Variants in MMS22L observed in about 807,000 individuals in gnomAD.
MMS22L encodes MMS22 like, DNA repair protein.
MMS22L carries 74 observed loss-of-function variants against 159.1 expected under a neutral mutation model. That is an observed-to-expected ratio of 0.47 (90% CI 0.39 to 0.56). The LOEUF (loss-of-function observed/expected upper bound fraction) is 0.56. Ranked by LOEUF, MMS22L falls within the 20% of genes least tolerant of loss-of-function variation. MMS22L has a pLI of 0.00. For synonymous variants in MMS22L, 517 were observed against 506.9 expected, an observed-to-expected ratio of 1.02 and a Z score of -0.27; for missense variants, 1,351 against 1,422.1, an observed-to-expected ratio of 0.95 and a Z score of 0.80.
intron 3 of MMS22L, among the ~76,000 whole-genome samples, chr6:97,281,027 C>T (rs1209645860): frequency 6.6e-6 from 1 of 152,046 alleles, no homozygotes; most frequent in Non-Finnish European, 1.5e-5. Flanking sequence ...GTGTCAAATG[C>T]AAAGAATAAA....
At chr6:97,217,603 T>C (rs924212773) in intron 14 of MMS22L, among the ~76,000 whole-genome samples, 15 of 152,132 alleles carry the variant, frequency 9.9e-5, no homozygotes, top group African/African-American at 3.1e-4. Context: ...GTTAATTATA[T>C]AATTATTAGG....
intron 14 of MMS22L, among the ~76,000 whole-genome samples, chr6:97,187,771 A>G (rs1805406413): frequency 1.3e-5 from 2 of 152,226 alleles, no homozygotes; most frequent in African/African-American, 4.8e-5. Context: ...TAGCATGTGT[A>G]TCTAAAGCAA....
In MMS22L at chr6:97,165,284, T is replaced by C. The variant is rs1484797677; in HGVS notation, c.3183A>G (p.Pro1061=). The C allele has an allele frequency of 6.2e-7, 1 of 1,613,302 alleles. No homozygotes were observed. Among genetic ancestry groups the C allele is most frequent in the East Asian group, 2.2e-5 (1 of 44,838 alleles). ...LALRNTATIP[P]ISSLKKCIVQ... ...CAATGCATTTCTTTAGAGATGATAT[T>C]GGTGGAATAGTGGCTGTGTTTCTCA... is the stretch of plus-strand genomic sequence containing the variant. Residue 1061 remains proline, a synonymous_variant, in exon 21 of 25, where the codon CCA becomes CCG. Coordinates refer to ENST00000683635, the MANE Select transcript of MMS22L (RefSeq NM_001350599.2).
intron 7 of MMS22L, among the ~76,000 whole-genome samples, 188 bp from the exon 8 acceptor site, chr6:97,268,190 CT>C (rs529896058): frequency 1.7e-3 from 238 of 136,662 alleles, no homozygotes; most frequent in Admixed American, 2.1e-3. Context: ...TCAAAAGTTT[CT>C]TTTTTTTTTT....
At chr6:97,161,670 T>C (rs1420931429) in intron 22 of MMS22L, among the ~76,000 whole-genome samples, 1 of 152,042 alleles carries the variant, frequency 6.6e-6, no homozygotes, top group African/African-American at 2.4e-5. Context: ...ACTTGATATT[T>C]AACAAATTGC....
chr6:97,197,817 AATCT>A (rs1349673036), intron 14 of MMS22L, among the ~76,000 whole-genome samples: 6 of 152,166 alleles, frequency 3.9e-5, no homozygotes, highest in African/African-American at 1.4e-4. Flanking sequence ...AGAGACCACC[AATCT>A]ATCTAACTTA....
At chr6:97,150,045 G>C in intron 23 of MMS22L, 25 bp from the exon 24 acceptor site, 1 of 1,604,146 alleles carries the variant, frequency 6.2e-7, no homozygotes, top group Non-Finnish European at 8.5e-7. Flanking sequence ...GGTTTATTTA[G>C]GATTACTCCT....
chr6:97,282,338 T>C lies in MMS22L; in HGVS notation c.140A>G (p.Tyr47Cys), dbSNP rs756590608. ...CCGCTTAAGGGCTCCGCTGCAGAGG[T>C]AGGATTCTCCAGAAAAATGTTTTCC... ...GGGKHFSGES[Y>C]LCSGALKRLI... Residue 47 changes from tyrosine (Y) to cysteine (C), a missense_variant, in exon 2 of 25, where the codon TAC becomes TGC. Transcript: ENST00000683635. 14 of 1,614,060 alleles carry C rather than the reference T, an allele frequency of 8.7e-6. No individual in the cohort carries two copies. The highest frequency in any genetic ancestry group is 1.2e-5 in the Non-Finnish European group (14 of 1,180,000).
chr6:97,273,220 T>C (rs922797273), intron 4 of MMS22L, 158 bp from the exon 5 acceptor site: 1 of 635,262 alleles, frequency 1.6e-6, no homozygotes. Context: ...CCTCAAAAAA[T>C]GCTCTTATTA....
intron 11 of MMS22L, among the ~76,000 whole-genome samples, chr6:97,236,917 C>G (rs554945743): frequency 1.3e-5 from 2 of 150,280 alleles, no homozygotes; most frequent in South Asian, 2.1e-4. Flanking sequence ...CGCTACTGCA[C>G]TCCAGCCTGG....
chr6:97,241,472 T>A (rs893208015), intron 11 of MMS22L, among the ~76,000 whole-genome samples: 6 of 152,192 alleles, frequency 3.9e-5, no homozygotes, highest in African/African-American at 1.4e-4. Context: ...ATTTTTTTTT[T>A]ATTTTTAAAT....
At chr6:97,273,212 T>C (rs906222125) in intron 4 of MMS22L, 150 bp from the exon 5 acceptor site, 3 of 647,294 alleles carry the variant, frequency 4.6e-6, no homozygotes, top group African/African-American at 1.8e-5. Flanking sequence ...CCGCTACTCC[T>C]CAAAAAATGC....
At chr6:97,278,549 A>G (rs1816464532) in intron 4 of MMS22L, among the ~76,000 whole-genome samples, 1 of 152,206 alleles carries the variant, frequency 6.6e-6, no homozygotes, top group South Asian at 2.1e-4. Context: ...GGCACTGTTT[A>G]GTTCTCATTT....
At position 97,254,749 on chromosome 6, in the gene MMS22L, T is replaced by C; in HGVS notation, c.943-16A>G. 1 of 1,569,860 alleles carries C rather than the reference T, an allele frequency of 6.4e-7. No homozygotes were observed. The highest frequency in any genetic ancestry group is 8.6e-7 in the Non-Finnish European group (1 of 1,162,232). On this transcript the variant is annotated splice_polypyrimidine_tract_variant and intron_variant, in intron 9 of 24. Coordinates refer to ENST00000683635, the MANE Select transcript of MMS22L (RefSeq NM_001350599.2). ...TCCAAAATGACTATAGAAACAGAAG[T>C]AATTTGATTCCATTAAGACAGTTTC...
intron 18 of MMS22L, among the ~76,000 whole-genome samples, chr6:97,176,781 T>C (rs1022896640): frequency 2.0e-5 from 3 of 152,186 alleles, no homozygotes; most frequent in Admixed American, 1.3e-4. Flanking sequence ...AAAAGAATCT[T>C]GGAAGCTGTC....
At chr6:97,173,429 G>A (rs1184105470) in intron 18 of MMS22L, among the ~76,000 whole-genome samples, 1 of 151,860 alleles carries the variant, frequency 6.6e-6, no homozygotes, top group Non-Finnish European at 1.5e-5. Context: ...TAAAATAAAG[G>A]TTAAAGGAAG....
chr6:97,173,955 A>G (rs570982656), intron 18 of MMS22L, among the ~76,000 whole-genome samples: 1 of 148,246 alleles, frequency 6.7e-6, no homozygotes, highest in South Asian at 2.2e-4. Flanking sequence ...GATGGATTAG[A>G]AAGTTTAAGG....
At chr6:97,275,744 C>T (rs1225835931) in intron 4 of MMS22L, among the ~76,000 whole-genome samples, 1 of 152,194 alleles carries the variant, frequency 6.6e-6, no homozygotes, top group African/African-American at 2.4e-5. Flanking sequence ...GTGGGTGATA[C>T]CTATAATGCT....
At position 97,145,451 on chromosome 6, in the gene MMS22L, T is replaced by A. The variant is rs79007815; in HGVS notation, c.*1355A>T. 1 of 152,172 alleles carries A rather than the reference T, an allele frequency of 6.6e-6. No individual in the cohort carries two copies. Among genetic ancestry groups the A allele is most frequent in the Admixed American group, 6.5e-5 (1 of 15,282 alleles). 9.4% of individuals were successfully genotyped at this position (152,172 alleles called of 1,614,324 possible). A position where few individuals can be genotyped will look rare whatever the true frequency, so the allele number is the denominator to read the frequency against. On this transcript the variant is annotated 3_prime_UTR_variant, in exon 25 of 25. Coordinates refer to ENST00000683635, the MANE Select transcript of MMS22L (RefSeq NM_001350599.2). The stretch of plus-strand genomic sequence containing the variant: ...AAGAGTAGAACCATGATAAAGACTA[T>A]AATCCCAAGAAGGAAACAAAGTACT...
Sources: gnomAD v4.1 joint callset for allele counts (sites outside exome capture counted in the v4.1 genomes callset) on GRCh38, gnomAD v4.1.1 for gene constraint, MANE v1.5 for transcripts, NCBI Gene and HGNC (gene_info 2026-07-23, HGNC 2026-07-21) for gene names.